The following GRHL2 variants were observed in gnomAD, a reference collection of about 807,000 sequenced individuals.
GRHL2 encodes the protein grainyhead-like protein 2 homolog.
GRHL2 carries 21 observed loss-of-function variants against 83.8 expected under a neutral mutation model. The ratio of observed to expected loss-of-function variants is 0.25; its 90% confidence interval spans 0.18 to 0.36. GRHL2 has a LOEUF of 0.36. Ranked by LOEUF, GRHL2 falls within the 10% of genes least tolerant of loss-of-function variation. The probability of loss-of-function intolerance (pLI) is 1.00; values close to 1 mark genes in which losing one functional copy is unlikely to be tolerated. For synonymous variants in GRHL2, 280 were observed against 278.9 expected (o/e 1.00, Z -0.04); for missense variants, 623 against 781.8 (o/e 0.80, Z 2.42).
At chr8:101,527,748 G>A (rs1202685827) in intron 1 of GRHL2, among the ~76,000 whole-genome samples, 1 of 152,090 alleles carries the variant, frequency 6.6e-6, no homozygotes, top group Non-Finnish European at 1.5e-5. Context: ...TATATGAGTG[G>A]AATCGTTTTT....
At position 101,631,700 on chromosome 8, in the gene GRHL2, G is replaced by T; in HGVS notation, c.1321G>T (p.Ala441Ser). 6.2e-7 allele frequency: 1 copy of T among 1,613,694 alleles called. No individual in the cohort carries two copies. Residue 441 changes from alanine to serine, a missense_variant, in exon 10 of 16, where the codon GCC becomes TCC. By Grantham distance (99) the Ala-to-Ser change is moderately conservative. Coordinates refer to ENST00000646743, the MANE Select transcript of GRHL2 (RefSeq NM_024915.4). ...KQNRKKGKGQASQTQCNSSSD... is the reference protein window; with the variant it reads ...KQNRKKGKGQSSQTQCNSSSD... ...GAACAGGAAGAAAGGGAAAGGCCAGGCCTCCCAAACTCAATGCAACAGCTG... is the reference window on the plus strand; with the variant it reads ...GAACAGGAAGAAAGGGAAAGGCCAGTCCTCCCAAACTCAATGCAACAGCTG...
At chr8:101,522,313 G>A (rs1259019257) in intron 1 of GRHL2, among the ~76,000 whole-genome samples, 1 of 151,966 alleles carries the variant, frequency 6.6e-6, no homozygotes, top group East Asian at 1.9e-4. Context: ...TAATACAAAT[G>A]AAAACAATAT....
chr8:101,496,355 T>C (rs1163458862), intron 1 of GRHL2, among the ~76,000 whole-genome samples: 1 of 152,190 alleles, frequency 6.6e-6, no homozygotes, highest in Non-Finnish European at 1.5e-5. Flanking sequence ...CTCTAGTCTT[T>C]AGTTTTATAA....
intron 14 of GRHL2, among the ~76,000 whole-genome samples, chr8:101,653,086 C>G (rs1813706502): frequency 1.3e-5 from 2 of 152,200 alleles, no homozygotes; most frequent in African/African-American, 4.8e-5. Context: ...GGGAGGTCCT[C>G]TCTCCTGAGC....
intron 1 of GRHL2, among the ~76,000 whole-genome samples, chr8:101,529,886 G>C (rs984794640): frequency 2.6e-5 from 4 of 152,164 alleles, no homozygotes; most frequent in Non-Finnish European, 5.9e-5. Flanking sequence ...AGCAGGGTAA[G>C]CTGGGGGTTA....
In GRHL2 at chr8:101,632,325, T is replaced by C. The variant is rs587777738; in HGVS notation, c.1445T>C (p.Ile482Thr). Residue 482 changes from isoleucine (I) to threonine (T), a missense_variant, in exon 11 of 16, where the codon ATA becomes ACA. Ile to Thr is a moderately conservative substitution (Grantham distance 89). This residue lies in a region of GRHL2 where 210 missense variants were observed against 254.8 expected (regional missense o/e 0.82). Transcript: ENST00000646743. ...CTCCACTCACAGCCAGTTCTCTTCA[T>C]ACCTGATGTTCACTTTGCAAACCTG... ...PDLHSQPVLF[I>T]PDVHFANLQR... is the part of the protein sequence containing the mutation. 37 of 1,613,954 alleles carry C rather than the reference T, an allele frequency of 2.3e-5. No homozygotes were observed. Among genetic ancestry groups the C allele is most frequent in the Non-Finnish European group, 3.1e-5 (36 of 1,179,930 alleles).
At chr8:101,636,949 A>C in intron 12 of GRHL2, 21 bp downstream of exon 12, 1 of 1,610,068 alleles carries the variant, frequency 6.2e-7, no homozygotes, top group Non-Finnish European at 8.5e-7. Flanking sequence ...CAGTTCTTTC[A>C]TTTCAACACT....
At chr8:101,585,922 T>C (rs913594034) in intron 7 of GRHL2, among the ~76,000 whole-genome samples, 5 of 152,070 alleles carry the variant, frequency 3.3e-5, no homozygotes, top group African/African-American at 1.2e-4. Flanking sequence ...TTCCGCTGTG[T>C]GTGTGATGGG....
intron 9 of GRHL2, among the ~76,000 whole-genome samples, chr8:101,620,160 T>A (rs761404389): frequency 1.3e-5 from 2 of 152,112 alleles, no homozygotes; most frequent in African/African-American, 2.4e-5. Context: ...CTCTCTGGTG[T>A]CTCTTTTTCT....
At chr8:101,574,552 C>T (rs1444777237) in intron 6 of GRHL2, among the ~76,000 whole-genome samples, 1 of 152,220 alleles carries the variant, frequency 6.6e-6, no homozygotes, top group Non-Finnish European at 1.5e-5. Context: ...TGATGCCCAG[C>T]CCACCTTATT....
In GRHL2 at chr8:101,664,455, T is replaced by C; in HGVS notation, c.1700T>C (p.Ile567Thr). ...GCCTTCTTGTTATTGGTATTACAGA[T>C]ATCTGAGAAATATGGGCTGCCCGTG... The part of the protein sequence containing the change: ...SPTVKGLMEA[I>T]SEKYGLPVEK... Residue 567 changes from isoleucine to threonine, a missense_variant and splice_region_variant, in exon 15 of 16, where the codon ATA (isoleucine) becomes ACA (threonine). Around this residue, in one of 8 missense-constraint regions of GRHL2, gnomAD observed 210 missense variants for 254.8 expected, o/e 0.82. Coordinates refer to ENST00000646743, the MANE Select transcript of GRHL2 (RefSeq NM_024915.4). The C allele has an allele frequency of 6.2e-7, 1 of 1,612,740 alleles. No homozygotes were observed. Among genetic ancestry groups the C allele is most frequent in the Non-Finnish European group, 8.5e-7 (1 of 1,178,794 alleles).
chr8:101,656,690 G>C (rs1013458228), intron 14 of GRHL2, among the ~76,000 whole-genome samples: 1 of 152,190 alleles, frequency 6.6e-6, no homozygotes, highest in East Asian at 1.9e-4. Context: ...CTTCTGAAAT[G>C]AGAATAATAA....
chr8:101,529,665 A>G (rs555857070), intron 1 of GRHL2: 1 of 160,258 alleles, frequency 6.2e-6, no homozygotes, highest in African/African-American at 2.4e-5. Context: ...TATTTTCCTC[A>G]TAAATAACCT....
chr8:101,606,127 G>A (rs955341845), intron 8 of GRHL2, among the ~76,000 whole-genome samples: 2 of 152,144 alleles, frequency 1.3e-5, no homozygotes, highest in Admixed American at 1.3e-4. Flanking sequence ...GTGACCCTCC[G>A]CTCTACATGT....
intron 13 of GRHL2, 50 bp downstream of exon 13, chr8:101,644,275 C>T (rs781409762): frequency 1.4e-6 from 2 of 1,463,618 alleles, no homozygotes; most frequent in Non-Finnish European, 1.9e-6. Context: ...CGGGGTGTCT[C>T]TCCCAAGAAG....
At chr8:101,574,548 C>G (rs1242319472) in intron 6 of GRHL2, among the ~76,000 whole-genome samples, 1 of 152,206 alleles carries the variant, frequency 6.6e-6, no homozygotes, top group Admixed American at 6.5e-5. Context: ...TCCATGATGC[C>G]CAGCCCACCT....
chr8:101,521,237 G>T (rs965977767), intron 1 of GRHL2, among the ~76,000 whole-genome samples: 2 of 152,114 alleles, frequency 1.3e-5, no homozygotes, highest in African/African-American at 2.4e-5. Flanking sequence ...TGGGGGTGAG[G>T]GTCTTTGAGT....
intron 4 of GRHL2, among the ~76,000 whole-genome samples, chr8:101,560,388 A>T (rs1270777890): frequency 6.6e-6 from 1 of 152,176 alleles, no homozygotes; most frequent in African/African-American, 2.4e-5. Context: ...TAGTGAGTGT[A>T]TACCACTATA....
chr8:101,520,194 A>T (rs1037688339), intron 1 of GRHL2, among the ~76,000 whole-genome samples: 4 of 152,234 alleles, frequency 2.6e-5, no homozygotes, highest in African/African-American at 4.8e-5. Context: ...AGCTTTAAAG[A>T]CAGAGGTGGA....
Sources: allele counts gnomAD v4.1 joint callset (sites outside exome capture counted in the v4.1 genomes callset), GRCh38; gene constraint gnomAD v4.1.1; regional missense constraint gnomAD v4.1.1; transcripts MANE v1.5; gene names NCBI Gene and HGNC (gene_info 2026-07-23, HGNC 2026-07-21).